FHIT: variants seen among roughly 807,000 people sequenced by gnomAD.
FHIT encodes the protein bis(5'-adenosyl)-triphosphatase.
In FHIT, 19 loss-of-function variants were observed where a neutral mutation model predicts 17.9. The observed-to-expected ratio is 1.06, with a 90% CI of 0.74 to 1.56. The LOEUF is 1.56. Among genes scored for constraint, FHIT ranks in the 40% most tolerant of loss-of-function variants. The pLI is 0.00. For missense variants in FHIT, 248 were observed against 189.2 expected, an observed-to-expected ratio of 1.31 and a Z score of -1.82; for synonymous variants, 81 against 69.7, an observed-to-expected ratio of 1.16 and a Z score of -0.81.
chr3:61,043,973 C>G (rs566957231), intron 2 of FHIT, among the ~76,000 whole-genome samples: 50 of 152,290 alleles, frequency 3.3e-4, no homozygotes, highest in African/African-American at 2.4e-5. Flanking sequence ...AAAACCCCAT[C>G]TGGACGTCAC....
intron 5 of FHIT, among the ~76,000 whole-genome samples, chr3:60,143,855 T>C (rs1700131016): frequency 6.6e-6 from 1 of 152,114 alleles, no homozygotes; most frequent in South Asian, 2.1e-4. Flanking sequence ...GTCACCAAAA[T>C]TAAATAAAGG....
At chr3:60,421,202 T>C (rs1268925882) in intron 5 of FHIT, among the ~76,000 whole-genome samples, 1 of 152,122 alleles carries the variant, frequency 6.6e-6, no homozygotes, top group Non-Finnish European at 1.5e-5. Context: ...GCTTGACTTC[T>C]GCTGCTTTAA....
chr3:60,535,951 A>G (rs2107597591), intron 5 of FHIT: 1 of 152,316 alleles, frequency 6.6e-6, no homozygotes, highest in African/African-American at 2.4e-5. Context: ...TACATTCAGA[A>G]TTACTAAGAA....
At chr3:59,824,877 T>C (rs575332915) in intron 8 of FHIT, among the ~76,000 whole-genome samples, 2 of 152,336 alleles carry the variant, frequency 1.3e-5, no homozygotes, top group South Asian at 2.1e-4. Context: ...ATCCCTCTCC[T>C]AACCCCCACC....
intron 5 of FHIT, among the ~76,000 whole-genome samples, chr3:60,295,083 G>A (rs926253804): frequency 1.1e-4 from 17 of 151,928 alleles, no homozygotes; most frequent in Admixed American, 5.3e-4. Flanking sequence ...CGCTTGTGTC[G>A]CTATAAAGGA....
intron 5 of FHIT, among the ~76,000 whole-genome samples, chr3:60,349,890 A>G (rs751302108): frequency 2.6e-5 from 4 of 152,214 alleles, no homozygotes; most frequent in Non-Finnish European, 4.4e-5. Flanking sequence ...CCATGAGGGT[A>G]AAACCTAGTT....
At chr3:60,830,963 A>G (rs1334393558) in intron 3 of FHIT, among the ~76,000 whole-genome samples, 2 of 152,222 alleles carry the variant, frequency 1.3e-5, no homozygotes, top group Non-Finnish European at 2.9e-5. Context: ...AAGGGCAGTA[A>G]ATACTGTGCA....
chr3:60,669,926 G>C (rs2040472123), intron 4 of FHIT, among the ~76,000 whole-genome samples: 1 of 152,206 alleles, frequency 6.6e-6, no homozygotes. Context: ...TTGTAATCAT[G>C]CATTGTTATC....
intron 7 of FHIT, among the ~76,000 whole-genome samples, chr3:60,007,046 G>C (rs964280460): frequency 2.9e-4 from 44 of 152,102 alleles, no homozygotes; most frequent in Non-Finnish European, 1.9e-4. Flanking sequence ...TTTCTAAGTA[G>C]AAGATTCAAG....
At chr3:61,227,129 A>G (rs1324389759) in intron 1 of FHIT, among the ~76,000 whole-genome samples, 1 of 152,202 alleles carries the variant, frequency 6.6e-6, no homozygotes, top group East Asian at 1.9e-4. Context: ...GAGAGAGAAG[A>G]GTGACAAGTG....
In FHIT at chr3:61,021,395, C is replaced by T. The variant is rs567685052; in HGVS notation, c.-111+20652G>A. On this transcript the variant is annotated intron_variant, in intron 3 of 9. Transcript: ENST00000492590. ...CGGGCGGATCACGAGGTCAGGAGAT[C>T]GAGACCATCCCAGCTAAAACGGTGA... 5.5e-3 allele frequency among the ~76,000 whole-genome samples: 816 copies of T among 148,310 alleles called. 5 individuals are homozygous for T. Among genetic ancestry groups the T allele is most frequent in the African/African-American group, 0.018 (736 of 41,084 alleles).
At chr3:60,281,598 A>G (rs1308726267) in intron 5 of FHIT, among the ~76,000 whole-genome samples, 2 of 150,520 alleles carry the variant, frequency 1.3e-5, no homozygotes, top group African/African-American at 4.9e-5. Flanking sequence ...TAGTGCTAGA[A>G]TAACTGGACA....
intron 5 of FHIT, among the ~76,000 whole-genome samples, chr3:60,225,902 G>T (rs145273114): frequency 6.6e-6 from 1 of 152,276 alleles, no homozygotes; most frequent in East Asian, 1.9e-4. Context: ...TCCTGACCAG[G>T]AATGTGACCA....
intron 5 of FHIT, among the ~76,000 whole-genome samples, chr3:60,293,450 G>C (rs1483221429): frequency 6.6e-6 from 1 of 152,090 alleles, no homozygotes; most frequent in Non-Finnish European, 1.5e-5. Context: ...AATTTCCATG[G>C]AAGGAGATTA....
chr3:60,285,779 T>C (rs745976266), intron 5 of FHIT, among the ~76,000 whole-genome samples: 4 of 152,220 alleles, frequency 2.6e-5, no homozygotes, highest in Non-Finnish European at 5.9e-5. Context: ...ATTGTTTAAA[T>C]TGACACACAG....
At chr3:60,487,879 T>C (rs1194314759) in intron 5 of FHIT, among the ~76,000 whole-genome samples, 1 of 152,100 alleles carries the variant, frequency 6.6e-6, no homozygotes, top group Non-Finnish European at 1.5e-5. Context: ...GGTGACAGAG[T>C]TCAAGTTCAT....
In FHIT at chr3:60,181,154, T is replaced by TTC. The variant is rs1335156594; in HGVS notation, c.104-167003_104-167002insGA. 2.7e-5 allele frequency among the ~76,000 whole-genome samples: 4 copies of TTC among 148,942 alleles called. No homozygotes were observed. The East Asian group carries it at 7.8e-4, about 29-fold the overall frequency. On this transcript the variant is annotated intron_variant, in intron 5 of 9. Coordinates refer to ENST00000492590, the MANE Select transcript of FHIT (RefSeq NM_002012.4). ...ATTACAAATTTTTTTAATTTTTTTT[T>TTC]TTTTTTTTTTGAGACTGAGTCTCAC...
At chr3:61,132,566 G>A (rs957853060) in intron 2 of FHIT, among the ~76,000 whole-genome samples, 3 of 152,170 alleles carry the variant, frequency 2.0e-5, no homozygotes, top group African/African-American at 7.2e-5. Context: ...ATGCCTTATG[G>A]AAAATGTGAC....
At chr3:60,353,756 T>C (rs541304644) in intron 5 of FHIT, among the ~76,000 whole-genome samples, 1 of 151,860 alleles carries the variant, frequency 6.6e-6, no homozygotes, top group South Asian at 2.1e-4. Context: ...GAAAAACAAA[T>C]CTGTAAAAAA....
Sources: gnomAD v4.1 joint callset for allele counts (sites outside exome capture counted in the v4.1 genomes callset) on GRCh38, gnomAD v4.1.1 for gene constraint, MANE v1.5 for transcripts, NCBI Gene and HGNC (gene_info 2026-07-23, HGNC 2026-07-21) for gene names.